ZNF503: variants seen among roughly 807,000 people sequenced by gnomAD.
The protein encoded by ZNF503 is zinc finger protein 503, also known as NocA-like zinc finger 2.
In ZNF503, 15 loss-of-function variants were observed where a neutral mutation model predicts 34.4. The observed-to-expected ratio is 0.44, with a 90% CI of 0.29 to 0.67. ZNF503 has a LOEUF of 0.67. Among genes scored for constraint, ZNF503 ranks in the 30% least tolerant of loss-of-function variants. The pLI is 0.13. For missense variants in ZNF503, 1,007 were observed against 926.8 expected, an observed-to-expected ratio of 1.09 and a Z score of -1.12; for synonymous variants, 580 against 456.8, an observed-to-expected ratio of 1.27 and a Z score of -3.44.
chr10:75,289,722 A>T, the ZNF503 span, among the ~76,000 whole-genome samples: 1 of 151,942 alleles, frequency 6.6e-6, no homozygotes, highest in African/African-American at 2.4e-5. Context: ...AGTAGCTGGG[A>T]CTGCAGCTAA....
At chr10:75,397,098 C>T (rs1275842710), downstream of ZNF503, among the ~76,000 whole-genome samples, 2 of 152,104 alleles carry the variant, frequency 1.3e-5, no homozygotes, top group African/African-American at 4.8e-5. Context: ...CGGGCGGGCT[C>T]TCCTGCGGCG....
the ZNF503 span, among the ~76,000 whole-genome samples, chr10:75,392,438 G>C: frequency 1.3e-5 from 2 of 152,174 alleles, no homozygotes; most frequent in Admixed American, 1.3e-4. Flanking sequence ...GGGAAAGATC[G>C]GTGTGTGGTG....
At chr10:75,290,920 T>C in the ZNF503 span, among the ~76,000 whole-genome samples, 1 of 152,190 alleles carries the variant, frequency 6.6e-6, no homozygotes, top group African/African-American at 2.4e-5. Context: ...AAAGGGACCA[T>C]TTCAATTGTT....
At chr10:75,298,757 A>T in the ZNF503 span, among the ~76,000 whole-genome samples, 1 of 152,076 alleles carries the variant, frequency 6.6e-6, no homozygotes. Context: ...GGTTTAACTT[A>T]AAATTTTTTA....
At chr10:75,379,188 T>G in the ZNF503 span, among the ~76,000 whole-genome samples, 1 of 152,188 alleles carries the variant, frequency 6.6e-6, no homozygotes, top group African/African-American at 2.4e-5. Context: ...AAAAAATTAT[T>G]TGTAATAGCA....
the ZNF503 span, among the ~76,000 whole-genome samples, chr10:75,325,854 T>G: frequency 7.2e-6 from 1 of 139,112 alleles, no homozygotes. Flanking sequence ...CTGTTGTAAA[T>G]GGTATTGCTT....
At chr10:75,293,754 GA>G in the ZNF503 span, among the ~76,000 whole-genome samples, 34 of 148,920 alleles carry the variant, frequency 2.3e-4, no homozygotes, top group African/African-American at 5.7e-4. Context: ...GCCAAGAATG[GA>G]AAAAAAAAAT....
the ZNF503 span, among the ~76,000 whole-genome samples, chr10:75,305,343 C>T: frequency 1.3e-5 from 2 of 151,950 alleles, no homozygotes; most frequent in African/African-American, 4.8e-5. Flanking sequence ...CACCATTTCA[C>T]TAAAAAATGT....
the ZNF503 span, among the ~76,000 whole-genome samples, chr10:75,285,777 C>A: frequency 2.0e-5 from 3 of 152,144 alleles, no homozygotes; most frequent in East Asian, 1.9e-4. Flanking sequence ...CCCAAGGGGT[C>A]CTTTGGAAGG....
the ZNF503 span, among the ~76,000 whole-genome samples, chr10:75,350,938 T>C: frequency 6.6e-6 from 1 of 151,688 alleles, no homozygotes; most frequent in Non-Finnish European, 1.5e-5. Context: ...TTTAGCCATG[T>C]CCTGCCACAT....
At chr10:75,353,611 G>C in the ZNF503 span, among the ~76,000 whole-genome samples, 1,788 of 152,274 alleles carry the variant, frequency 0.012, 19 homozygotes, top group African/African-American at 0.025. Flanking sequence ...CCACCCACCA[G>C]TCCCATCCTT....
the ZNF503 span, among the ~76,000 whole-genome samples, chr10:75,375,088 G>A: frequency 6.6e-6 from 1 of 152,304 alleles, no homozygotes; most frequent in South Asian, 2.1e-4. Context: ...ATTAAGTGAA[G>A]TTAAACAAGT....
the ZNF503 span, among the ~76,000 whole-genome samples, chr10:75,301,378 C>G: frequency 1.3e-5 from 2 of 152,014 alleles, no homozygotes; most frequent in African/African-American, 4.8e-5. Flanking sequence ...GTAGTTGGGA[C>G]TACAGGCATG....
At chr10:75,287,689 A>G in the ZNF503 span, among the ~76,000 whole-genome samples, 4 of 152,180 alleles carry the variant, frequency 2.6e-5, no homozygotes, top group Admixed American at 2.0e-4. Flanking sequence ...TGACAAGATC[A>G]GGGTCCAGGT....
At chr10:75,322,642 C>T in the ZNF503 span, among the ~76,000 whole-genome samples, 5 of 151,926 alleles carry the variant, frequency 3.3e-5, no homozygotes, top group African/African-American at 9.7e-5. Context: ...CCAGCCTGCG[C>T]AACATGGTGA....
chr10:75,371,142 G>A, the ZNF503 span, among the ~76,000 whole-genome samples: 1 of 152,146 alleles, frequency 6.6e-6, no homozygotes, highest in Non-Finnish European at 1.5e-5. Flanking sequence ...ACCAGGACTG[G>A]CCTCCGAGGC....
In ZNF503 at chr10:75,398,952, C is replaced by A. The variant is rs202007168; in HGVS notation, c.1738G>T (p.Ala580Ser). 1 of 1,600,092 alleles carries A rather than the reference C, an allele frequency of 6.2e-7. No homozygotes were observed. ...ACHMHIPTSG[A>S]PGSPGTLALR... ...GCCAGCGTCCCAGGGCTGCCCGGTG[C>A]GCCCGAGGTGGGGATGTGCATGTGG... The change falls in exon 2 of 2, where the codon GCA becomes TCA. Residue 580 changes from alanine (A) to serine (S), a missense_variant. Physicochemically the swap from Ala to Ser is moderately conservative, Grantham distance 99. Coordinates refer to ENST00000372524, the MANE Select transcript of ZNF503 (RefSeq NM_032772.6).
chr10:75,400,197 T>C lies in ZNF503; in HGVS notation c.493A>G (p.Ser165Gly), dbSNP rs1295002387. ...GACTTGTCCTCCACGCCGATGTCGCTCAGCTTCAGGGGGCCCGATTTGGTG... is the reference window on the plus strand; with the variant it reads ...GACTTGTCCTCCACGCCGATGTCGCCCAGCTTCAGGGGGCCCGATTTGGTG... Reference protein sequence around the residue: ...KDTKSGPLKLSDIGVEDKSSF... With the variant: ...KDTKSGPLKLGDIGVEDKSSF... Residue 165 changes from serine (S) to glycine (G), a missense_variant, in exon 2 of 2, where the codon AGC becomes GGC. Ser to Gly is a moderately conservative substitution (Grantham distance 56). Coordinates refer to ENST00000372524, the MANE Select transcript of ZNF503 (RefSeq NM_032772.6). 2 of 1,596,028 alleles carry C rather than the reference T, an allele frequency of 1.3e-6. No homozygotes were observed. The highest frequency in any genetic ancestry group is 1.8e-5 in the Admixed American group (1 of 55,752).
At chr10:75,380,824 T>C in the ZNF503 span, among the ~76,000 whole-genome samples, 2 of 152,104 alleles carry the variant, frequency 1.3e-5, no homozygotes, top group African/African-American at 4.8e-5. Context: ...GTTTCAAAGT[T>C]CCATGCAATT....
Sources: gnomAD v4.1 joint callset for allele counts (sites outside exome capture counted in the v4.1 genomes callset) on GRCh38, gnomAD v4.1.1 for gene constraint, MANE v1.5 for transcripts, NCBI Gene and HGNC (gene_info 2026-07-23, HGNC 2026-07-21) for gene names.